The following SCLT1 variants were observed in gnomAD, a reference collection of about 807,000 sequenced individuals.
SCLT1 encodes the protein sodium channel and clathrin linker 1, also known as sodium channel-associated protein 1.
Under a neutral mutation model 112.8 loss-of-function variants are expected in SCLT1, and 78 were observed. The observed-to-expected ratio is 0.69, with a 90% CI of 0.58 to 0.83. SCLT1 has a LOEUF of 0.83. SCLT1 is among the 40% of genes least tolerant of loss of function. SCLT1 has a pLI of 0.00. For synonymous variants in SCLT1, 257 were observed against 254.7 expected, an observed-to-expected ratio of 1.01 and a Z score of -0.09; for missense variants, 747 against 770.4, an observed-to-expected ratio of 0.97 and a Z score of 0.36.
intron 2 of SCLT1, among the ~76,000 whole-genome samples, chr4:129,070,997 G>T (rs1750954937): frequency 6.6e-6 from 1 of 152,104 alleles, no homozygotes; most frequent in Non-Finnish European, 1.5e-5. Flanking sequence ...TCAGTTAGAA[G>T]AATTTTTAAA....
At chr4:129,019,638 T>A (rs1022613651) in intron 5 of SCLT1, among the ~76,000 whole-genome samples, 1 of 151,796 alleles carries the variant, frequency 6.6e-6, no homozygotes, top group East Asian at 1.9e-4. Flanking sequence ...GCTGCCGCTA[T>A]ATTTTTGTGT....
At chr4:128,898,104 G>A (rs1733939068) in intron 18 of SCLT1, among the ~76,000 whole-genome samples, 1 of 152,082 alleles carries the variant, frequency 6.6e-6, no homozygotes, top group Non-Finnish European at 1.5e-5. Context: ...GTCAACATTA[G>A]ACAGATCAAC....
rs757026986 is a variant in SCLT1 at position 129,039,026 on chromosome 4, A to G, written c.290+15T>C. On this transcript the variant is annotated intron_variant, in intron 5 of 20. Coordinates refer to ENST00000281142, the MANE Select transcript of SCLT1 (RefSeq NM_144643.4). Reference sequence around the variant, plus strand: ...GACAATAATAAAAGATAAAACCAATAGTTAATTGATTTACCTTTCATTTTC... The same window carrying G: ...GACAATAATAAAAGATAAAACCAATGGTTAATTGATTTACCTTTCATTTTC... The G allele has an allele frequency of 7.2e-7, 1 of 1,395,506 alleles. No homozygotes were observed. The highest frequency in any genetic ancestry group is 1.0e-6 in the Non-Finnish European group (1 of 982,740). The allele number at this position is 1,395,506 out of a possible 1,614,324, so 86.4% of individuals were successfully genotyped here. A position where few individuals can be genotyped will look rare whatever the true frequency, so the allele number is the denominator to read the frequency against.
chr4:129,045,617 G>T (rs2125702392), intron 2 of SCLT1, among the ~76,000 whole-genome samples: 1 of 151,984 alleles, frequency 6.6e-6, no homozygotes, highest in East Asian at 1.9e-4. Context: ...AAAAAACAAA[G>T]AAGTTATTTC....
intron 9 of SCLT1, among the ~76,000 whole-genome samples, chr4:128,973,766 G>T (rs544437687): frequency 6.6e-6 from 1 of 152,112 alleles, no homozygotes; most frequent in African/African-American, 2.4e-5. Context: ...AAAAAATTCT[G>T]AAAACATTCA....
At chr4:128,978,894 T>C (rs1019827316) in intron 9 of SCLT1, among the ~76,000 whole-genome samples, 2 of 151,862 alleles carry the variant, frequency 1.3e-5, no homozygotes, top group Non-Finnish European at 2.9e-5. Flanking sequence ...TACAATATAA[T>C]AGAAAGAGGA....
At chr4:128,906,932 C>CG (rs1734737736) in intron 18 of SCLT1, among the ~76,000 whole-genome samples, 1 of 151,990 alleles carries the variant, frequency 6.6e-6, no homozygotes, top group Non-Finnish European at 1.5e-5. Context: ...ATGGAAGAAT[C>CG]GGGGGTTAGA....
chr4:128,883,269 G>C (rs1262804205), downstream of SCLT1, among the ~76,000 whole-genome samples: 1 of 151,934 alleles, frequency 6.6e-6, no homozygotes. Context: ...AAGAAATGGA[G>C]GGGAAGAATA....
At chr4:128,932,979 A>G (rs1326013159) in intron 18 of SCLT1, among the ~76,000 whole-genome samples, 3 of 152,210 alleles carry the variant, frequency 2.0e-5, no homozygotes, top group Non-Finnish European at 4.4e-5. Context: ...GATATCTTGT[A>G]TTCATGAACT....
chr4:129,003,974 T>G (rs1179207969), intron 5 of SCLT1, 98 bp from the exon 6 acceptor site: 2 of 1,037,508 alleles, frequency 1.9e-6, no homozygotes, highest in East Asian at 2.5e-5. Context: ...CAATAACTCT[T>G]TAAACAAAAT....
chr4:128,884,201 A>G lies in SCLT1; in HGVS notation c.*276T>C, dbSNP rs758988925. 3.1e-5 allele frequency: 9 copies of G among 292,222 alleles called. No homozygotes were observed. Among genetic ancestry groups the G allele is most frequent in the Non-Finnish European group, 5.6e-5 (9 of 160,268 alleles). 18.1% of individuals were successfully genotyped at this position (292,222 alleles called of 1,614,324 possible). A position where few individuals can be genotyped will look rare whatever the true frequency, so the allele number is the denominator to read the frequency against. ...AAATTATTATGTCCTTTCAAGGGAA[A>G]AAGGAGGAATTAAAAAACAGACACA... On this transcript the variant is annotated 3_prime_UTR_variant, in exon 21 of 21. Transcript: ENST00000281142.
chr4:129,007,454 T>C (rs1231601396), intron 5 of SCLT1, among the ~76,000 whole-genome samples: 1 of 152,206 alleles, frequency 6.6e-6, no homozygotes, highest in Non-Finnish European at 1.5e-5. Flanking sequence ...TGTCATATCT[T>C]TTGGGCAAAT....
intron 11 of SCLT1, among the ~76,000 whole-genome samples, chr4:128,961,109 A>G (rs1360975240): frequency 6.6e-6 from 1 of 151,774 alleles, no homozygotes; most frequent in Non-Finnish European, 1.5e-5. Context: ...TTTTTTTTCA[A>G]CTTTTGCGAT....
intron 5 of SCLT1, chr4:129,037,737 A>C (rs1358627281): frequency 6.6e-6 from 1 of 152,212 alleles, no homozygotes; most frequent in Non-Finnish European, 1.5e-5. Flanking sequence ...GAGACTGACC[A>C]GCACATCAAC....
intron 2 of SCLT1, among the ~76,000 whole-genome samples, chr4:129,059,174 C>T (rs976718011): frequency 6.6e-6 from 1 of 152,072 alleles, no homozygotes; most frequent in Non-Finnish European, 1.5e-5. Flanking sequence ...TGTATGTTTA[C>T]AGGTGAAGTG....
At chr4:129,022,601 G>A (rs549465536) in intron 5 of SCLT1, among the ~76,000 whole-genome samples, 3 of 152,270 alleles carry the variant, frequency 2.0e-5, no homozygotes, top group Admixed American at 1.3e-4. Flanking sequence ...AGAGAAAAAA[G>A]CATGAAAAGG....
chr4:128,997,343 G>A (rs930680783), intron 8 of SCLT1: 1 of 151,790 alleles, frequency 6.6e-6, no homozygotes, highest in Non-Finnish European at 1.5e-5. Context: ...ACTCAACAAT[G>A]AGGTAAAAAT....
chr4:128,970,329 A>G, intron 10 of SCLT1, 49 bp downstream of exon 10: 1 of 1,011,656 alleles, frequency 9.9e-7, no homozygotes, highest in African/African-American at 1.6e-5. Context: ...AACAAAATAG[A>G]AAGAAAACTA....
At chr4:128,986,698 C>T (rs189216502) in intron 9 of SCLT1, among the ~76,000 whole-genome samples, 8 of 152,314 alleles carry the variant, frequency 5.3e-5, no homozygotes, top group Admixed American at 5.2e-4. Context: ...CGTTTCTAGA[C>T]TCACTCTGTG....
Sources: allele counts gnomAD v4.1 joint callset (sites outside exome capture counted in the v4.1 genomes callset), GRCh38; gene constraint gnomAD v4.1.1; transcripts MANE v1.5; gene names NCBI Gene and HGNC (gene_info 2026-07-23, HGNC 2026-07-21).